The following FHIT variants were observed in gnomAD, a reference collection of about 807,000 sequenced individuals.
The protein encoded by FHIT is bis(5'-adenosyl)-triphosphatase.
A neutral mutation model predicts 17.9 loss-of-function variants in FHIT; 19 were observed. The observed-to-expected ratio is 1.06, with a 90% confidence interval of 0.74 to 1.56. The LOEUF is 1.56. FHIT is among the 40% of genes most tolerant of loss of function. The pLI, the probability that FHIT is intolerant of heterozygous loss-of-function variation, is 0.00. For missense variants in FHIT, 248 were observed against 189.2 expected (o/e 1.31, Z -1.82); for synonymous variants, 81 against 69.7 (o/e 1.16, Z -0.81).
At chr3:60,442,775 A>T (rs2031003408) in intron 5 of FHIT, among the ~76,000 whole-genome samples, 1 of 152,120 alleles carries the variant, frequency 6.6e-6, no homozygotes, top group South Asian at 2.1e-4. Flanking sequence ...TGGTCCCATA[A>T]GAACTTTAAA....
In FHIT at chr3:59,922,373, A is replaced by G; in HGVS notation, c.321T>C (p.Phe107=). The change falls in exon 8 of 10, where the codon TTT becomes TTC. Residue 107 remains phenylalanine (F), a synonymous_variant. Transcript: ENST00000492590. ...VHVLPRKAGD[F]HRNDSIYEEL... ...CCTCATAGATGCTGTCATTCCTGTG[A>G]AAGTCTCCAGCCTTCCTGGGAAGAA... 6.2e-7 allele frequency: 1 copy of G among 1,614,054 alleles called. No homozygotes were observed. Among genetic ancestry groups the G allele is most frequent in the Non-Finnish European group, 8.5e-7 (1 of 1,179,950 alleles).
chr3:59,793,656 T>C (rs898706284), intron 8 of FHIT, among the ~76,000 whole-genome samples: 1 of 152,330 alleles, frequency 6.6e-6, no homozygotes, highest in South Asian at 2.1e-4. Context: ...TGTAAGGAAA[T>C]GCAGGATTTA....
chr3:59,781,890 C>T (rs1037493462), intron 8 of FHIT, among the ~76,000 whole-genome samples: 5 of 152,206 alleles, frequency 3.3e-5, no homozygotes, highest in Non-Finnish European at 4.4e-5. Context: ...GTGTTGAAGC[C>T]GTCACTGAGA....
At chr3:60,985,672 C>T (rs868193854) in intron 3 of FHIT, among the ~76,000 whole-genome samples, 7 of 152,348 alleles carry the variant, frequency 4.6e-5, no homozygotes, top group South Asian at 2.1e-4. Flanking sequence ...GGTTCCACCC[C>T]CAGAGTTTCT....
intron 5 of FHIT, among the ~76,000 whole-genome samples, chr3:60,434,460 G>C (rs1165393753): frequency 6.6e-6 from 1 of 151,948 alleles, no homozygotes; most frequent in Non-Finnish European, 1.5e-5. Flanking sequence ...GGTTGCATAG[G>C]GGATACATTT....
intron 7 of FHIT, among the ~76,000 whole-genome samples, chr3:59,976,205 G>T (rs78361049): frequency 0.013 from 1,927 of 152,172 alleles, 45 homozygotes; most frequent in African/African-American, 0.042. Flanking sequence ...CACATAAACA[G>T]AAGTAGCATT....
intron 8 of FHIT, among the ~76,000 whole-genome samples, chr3:59,766,409 A>G (rs1701799205): frequency 6.6e-6 from 1 of 152,236 alleles, no homozygotes; most frequent in African/African-American, 2.4e-5. Context: ...ACTGGATTCC[A>G]GATGTCTGAA....
chr3:60,920,485 TC>T (rs1553768083), intron 3 of FHIT, among the ~76,000 whole-genome samples: 1 of 151,974 alleles, frequency 6.6e-6, no homozygotes, highest in Non-Finnish European at 1.5e-5. Context: ...GTGGTGGTGA[TC>T]AGTGGTAGTG....
intron 5 of FHIT, among the ~76,000 whole-genome samples, chr3:60,398,517 A>T (rs1157247033): frequency 6.6e-6 from 1 of 152,178 alleles, no homozygotes; most frequent in Non-Finnish European, 1.5e-5. Flanking sequence ...AAATTTAACA[A>T]ATACACAGGG....
chr3:60,268,873 A>G (rs935808797), intron 5 of FHIT, among the ~76,000 whole-genome samples: 1 of 152,144 alleles, frequency 6.6e-6, no homozygotes, highest in Non-Finnish European at 1.5e-5. Flanking sequence ...CATAATCACA[A>G]GGGTCCTTAA....
chr3:61,157,194 T>C (rs1266573299), intron 2 of FHIT, among the ~76,000 whole-genome samples: 2 of 152,148 alleles, frequency 1.3e-5, no homozygotes, highest in Non-Finnish European at 1.5e-5. Context: ...CATCTATATA[T>C]ATATACAGAT....
At chr3:59,958,431 G>C (rs1363205796) in intron 7 of FHIT, among the ~76,000 whole-genome samples, 2 of 152,166 alleles carry the variant, frequency 1.3e-5, no homozygotes, top group African/African-American at 4.8e-5. Context: ...CGGCAGAAAG[G>C]TAGGCAATTC....
intron 7 of FHIT, among the ~76,000 whole-genome samples, chr3:59,977,948 A>G (rs1027932148): frequency 1.6e-4 from 24 of 152,200 alleles, no homozygotes; most frequent in African/African-American, 5.3e-4. Flanking sequence ...TAGACGAAAG[A>G]CAGTCATGAA....
intron 7 of FHIT, among the ~76,000 whole-genome samples, chr3:59,970,536 A>G (rs917836682): frequency 2.0e-5 from 3 of 152,062 alleles, no homozygotes; most frequent in Admixed American, 2.0e-4. Flanking sequence ...TTATTTTTAT[A>G]AGGGTTGGCT....
chr3:60,894,120 C>T (rs1327412406), intron 3 of FHIT, among the ~76,000 whole-genome samples: 3 of 152,098 alleles, frequency 2.0e-5, no homozygotes, highest in Non-Finnish European at 2.9e-5. Context: ...ATGGGGGTTG[C>T]TTTTGTTTGA....
At chr3:61,018,703 G>C (rs778607712) in intron 3 of FHIT, among the ~76,000 whole-genome samples, 1 of 152,116 alleles carries the variant, frequency 6.6e-6, no homozygotes, top group Non-Finnish European at 1.5e-5. Flanking sequence ...AACCAAATTA[G>C]AAAAGACTAA....
intron 4 of FHIT, among the ~76,000 whole-genome samples, chr3:60,589,551 A>G (rs2038014823): frequency 6.6e-6 from 1 of 152,094 alleles, no homozygotes; most frequent in South Asian, 2.1e-4. Context: ...CTTTGCTAAT[A>G]GAAATGATGC....
intron 2 of FHIT, among the ~76,000 whole-genome samples, chr3:61,136,646 G>A (rs774746295): frequency 5.3e-5 from 8 of 152,122 alleles, no homozygotes; most frequent in Non-Finnish European, 1.0e-4. Context: ...AAATACGTAC[G>A]GCTAAGTGCT....
At chr3:60,821,445 T>C (rs1277016080) in intron 4 of FHIT, among the ~76,000 whole-genome samples, 3 of 152,190 alleles carry the variant, frequency 2.0e-5, no homozygotes, top group Non-Finnish European at 4.4e-5. Context: ...GAAGGAGATC[T>C]GTTTCAACAG....
Sources: gnomAD v4.1 joint callset for allele counts (sites outside exome capture counted in the v4.1 genomes callset) on GRCh38, gnomAD v4.1.1 for gene constraint, MANE v1.5 for transcripts, NCBI Gene and HGNC (gene_info 2026-07-23, HGNC 2026-07-21) for gene names.